Variants in EYS observed in about 807,000 individuals in gnomAD.
The protein encoded by EYS is EGF-like photoreceptor maintenance factor.
Under a neutral mutation model 282.1 loss-of-function variants are expected in EYS, and 250 were observed. The observed-to-expected ratio is 0.89, with a 90% CI of 0.80 to 0.98. EYS has a LOEUF of 0.98. Among genes scored for constraint, EYS ranks in the 50% least tolerant of loss-of-function variants. The pLI is 0.00. For synonymous variants in EYS, 1,355 were observed against 1,282.9 expected (o/e 1.06, Z -1.20); for missense variants, 4,016 against 3,709.0 (o/e 1.08, Z -2.15).
intron 36 of EYS, among the ~76,000 whole-genome samples, chr6:63,851,945 C>A (rs557535336): frequency 3.9e-5 from 6 of 152,126 alleles, no homozygotes; most frequent in Non-Finnish European, 8.8e-5. Flanking sequence ...ATCACGAGGT[C>A]AGGAGATCGA....
intron 13 of EYS, among the ~76,000 whole-genome samples, chr6:65,024,404 C>T (rs1772335307): frequency 6.6e-6 from 1 of 152,152 alleles, no homozygotes; most frequent in Admixed American, 6.5e-5. Context: ...CCATTCTTCC[C>T]TGAGGAAGTG....
intron 31 of EYS, among the ~76,000 whole-genome samples, chr6:64,126,272 C>A (rs938683391): frequency 4.0e-5 from 6 of 151,460 alleles, no homozygotes; most frequent in Non-Finnish European, 5.9e-5. Flanking sequence ...TATTGCGGCA[C>A]TATTCACAAT....
At chr6:65,191,325 A>C (rs1765636435) in intron 12 of EYS, among the ~76,000 whole-genome samples, 1 of 151,868 alleles carries the variant, frequency 6.6e-6, no homozygotes, top group African/African-American at 2.4e-5. Flanking sequence ...TGAATATGTT[A>C]AATATCATTT....
At chr6:64,992,893 G>A (rs978885065) in intron 14 of EYS, among the ~76,000 whole-genome samples, 1 of 152,004 alleles carries the variant, frequency 6.6e-6, no homozygotes, top group African/African-American at 2.4e-5. Context: ...GGTTTTTGTG[G>A]TTCCAACTTG....
intron 29 of EYS, among the ~76,000 whole-genome samples, chr6:64,373,554 A>G (rs1772459489): frequency 6.6e-6 from 1 of 152,172 alleles, no homozygotes; most frequent in South Asian, 2.1e-4. Context: ...CCTGTCTAGC[A>G]AGGAGAGGTT....
chr6:64,439,110 A>C (rs1774849761), intron 27 of EYS, 52 bp downstream of exon 27: 1 of 1,019,684 alleles, frequency 9.8e-7, no homozygotes, highest in Admixed American at 3.6e-5. Flanking sequence ...TGAAGCACAT[A>C]ATTAGAACAA....
chr6:65,395,850 A>ACC (rs139015730), intron 7 of EYS, among the ~76,000 whole-genome samples: 1 of 151,446 alleles, frequency 6.6e-6, no homozygotes, highest in African/African-American at 2.4e-5. Context: ...CCCTTTGAAC[A>ACC]CCCCCCATTT....
At chr6:64,803,749 C>T (rs1283013749) in intron 22 of EYS, among the ~76,000 whole-genome samples, 2 of 152,238 alleles carry the variant, frequency 1.3e-5, no homozygotes, top group Non-Finnish European at 2.9e-5. Flanking sequence ...GCTGGCATGT[C>T]AGCATCACCC....
At chr6:65,285,501 A>G (rs892154070) in intron 12 of EYS, among the ~76,000 whole-genome samples, 2 of 152,006 alleles carry the variant, frequency 1.3e-5, no homozygotes, top group African/African-American at 4.8e-5. Context: ...AAAATTGTAT[A>G]GATTAGAAAT....
intron 13 of EYS, among the ~76,000 whole-genome samples, chr6:65,012,416 C>T (rs962069062): frequency 6.6e-6 from 1 of 152,112 alleles, no homozygotes; most frequent in Admixed American, 6.5e-5. Flanking sequence ...ATGTACAGTA[C>T]ATAGGTACAA....
At chr6:64,050,973 GT>G (rs1770790805) in intron 33 of EYS, among the ~76,000 whole-genome samples, 1 of 152,070 alleles carries the variant, frequency 6.6e-6, no homozygotes, top group Non-Finnish European at 1.5e-5. Context: ...TCTCACTTTT[GT>G]TATGCATTTT....
chr6:63,775,335 AGTT>A (rs879847444), intron 40 of EYS, among the ~76,000 whole-genome samples: 10 of 152,306 alleles, frequency 6.6e-5, no homozygotes, highest in South Asian at 2.1e-4. Flanking sequence ...GAGCATTTTG[AGTT>A]GTTGTTTTAA....
chr6:64,890,520 A>T (rs1767256773), intron 18 of EYS, among the ~76,000 whole-genome samples: 1 of 152,126 alleles, frequency 6.6e-6, no homozygotes, highest in Non-Finnish European at 1.5e-5. Context: ...GCTTAAGGAA[A>T]ATAGAAAAGA....
intron 12 of EYS, among the ~76,000 whole-genome samples, chr6:65,150,254 A>C (rs1764580562): frequency 6.6e-6 from 1 of 151,834 alleles, no homozygotes; most frequent in Non-Finnish European, 1.5e-5. Context: ...TCTTTGTTTT[A>C]CTTTTTTTCC....
At chr6:64,285,934 T>C (rs1347169351) in intron 30 of EYS, among the ~76,000 whole-genome samples, 3 of 152,152 alleles carry the variant, frequency 2.0e-5, no homozygotes, top group Non-Finnish European at 4.4e-5. Context: ...CAATTCAAGA[T>C]GAGATTTGGG....
intron 22 of EYS, among the ~76,000 whole-genome samples, chr6:64,689,514 G>A (rs1174167813): frequency 6.6e-6 from 1 of 151,668 alleles, no homozygotes; most frequent in African/African-American, 2.4e-5. Flanking sequence ...AGCCCGCATT[G>A]CCAAGACAAT....
chr6:64,475,980 C>G (rs1190810286), intron 26 of EYS, among the ~76,000 whole-genome samples: 1 of 152,124 alleles, frequency 6.6e-6, no homozygotes, highest in East Asian at 1.9e-4. Context: ...TTGTAGAAAC[C>G]GTGTCTTGCT....
chr6:64,330,188 T>C (rs551425271), intron 29 of EYS, among the ~76,000 whole-genome samples: 1 of 152,244 alleles, frequency 6.6e-6, no homozygotes, highest in African/African-American at 2.4e-5. Context: ...CTATAAGGTG[T>C]CTAAGGAAAA....
At chr6:64,625,345 A>G (rs1006177660) in intron 23 of EYS, among the ~76,000 whole-genome samples, 1 of 152,350 alleles carries the variant, frequency 6.6e-6, no homozygotes, top group Non-Finnish European at 1.5e-5. Flanking sequence ...CAAGACTGCT[A>G]TAACAAAAAT....
Sources: allele counts gnomAD v4.1 joint callset (sites outside exome capture counted in the v4.1 genomes callset), GRCh38; gene constraint gnomAD v4.1.1; transcripts MANE v1.5; gene names NCBI Gene and HGNC (gene_info 2026-07-23, HGNC 2026-07-21).